The following CACNA1C variants were observed in gnomAD, a reference collection of about 807,000 sequenced individuals.
The protein encoded by CACNA1C is voltage-dependent L-type calcium channel subunit alpha-1C.
In CACNA1C, 30 loss-of-function variants were observed where a neutral mutation model predicts 229.0. The observed-to-expected ratio is 0.13, with a 90% CI of 0.10 to 0.18. CACNA1C has a LOEUF of 0.18. Ranked by LOEUF, CACNA1C falls within the 10% of genes least tolerant of loss-of-function variation. CACNA1C has a pLI of 1.00. For missense variants in CACNA1C, 1,658 were observed against 2,845.0 expected (o/e 0.58, Z 9.49); for synonymous variants, 1,114 against 1,132.5 (o/e 0.98, Z 0.33).
intron 3 of CACNA1C, among the ~76,000 whole-genome samples, chr12:2,419,101 C>T (rs547499721): frequency 4.7e-4 from 72 of 152,336 alleles, no homozygotes; most frequent in African/African-American, 1.6e-3. Context: ...CAACCCTAGG[C>T]CTCTCTGCCT....
At chr12:2,393,459 C>T (rs2098521829) in intron 3 of CACNA1C, among the ~76,000 whole-genome samples, 2 of 152,354 alleles carry the variant, frequency 1.3e-5, no homozygotes, top group African/African-American at 4.8e-5. Flanking sequence ...CATTTTCTGG[C>T]TCTGCCATCC....
intron 3 of CACNA1C, among the ~76,000 whole-genome samples, chr12:2,277,358 GACAGACACACACACACAC>G (rs71057823): frequency 0.032 from 2,622 of 82,208 alleles, 32 homozygotes; most frequent in Middle Eastern, 0.041. Context: ...CAGACAGACA[GACAGACACACACACACAC>G]ACACACACAC....
intron 3 of CACNA1C, among the ~76,000 whole-genome samples, chr12:2,137,397 CA>C (rs558354068): frequency 1.1e-4 from 16 of 146,348 alleles, no homozygotes; most frequent in East Asian, 2.0e-4. Flanking sequence ...CCAGCTCTAC[CA>C]AAAAAAAAAG....
chr12:2,160,172 T>C (rs2095780777), intron 3 of CACNA1C, among the ~76,000 whole-genome samples: 1 of 152,210 alleles, frequency 6.6e-6, no homozygotes, highest in African/African-American at 2.4e-5. Flanking sequence ...TTAATGCTTC[T>C]CTCATGCTCT....
intron 1 of CACNA1C, among the ~76,000 whole-genome samples, chr12:1,989,822 G>T (rs112327114): frequency 6.6e-6 from 1 of 152,158 alleles, no homozygotes; most frequent in Non-Finnish European, 1.5e-5. Flanking sequence ...ATTTAGTTGC[G>T]AAATGAAAAA....
intron 1 of CACNA1C, among the ~76,000 whole-genome samples, chr12:2,012,053 A>T (rs2044537273): frequency 6.6e-6 from 1 of 152,174 alleles, no homozygotes; most frequent in African/African-American, 2.4e-5. Context: ...TCACCTTGTC[A>T]TTGATTTTTC....
intron 1 of CACNA1C, among the ~76,000 whole-genome samples, chr12:2,042,370 A>T (rs1237949108): frequency 6.6e-6 from 1 of 152,224 alleles, no homozygotes; most frequent in Non-Finnish European, 1.5e-5. Context: ...CTTCTTTTGG[A>T]TTGAATTTTC....
At chr12:2,592,464 G>T (rs1436462354) in intron 18 of CACNA1C, among the ~76,000 whole-genome samples, 1 of 152,222 alleles carries the variant, frequency 6.6e-6, no homozygotes, top group African/African-American at 2.4e-5. Context: ...CTCCCATGTT[G>T]TTACTTTCCC....
chr12:2,174,424 T>A (rs2096585377), intron 3 of CACNA1C, among the ~76,000 whole-genome samples: 1 of 152,248 alleles, frequency 6.6e-6, no homozygotes, highest in Non-Finnish European at 1.5e-5. Flanking sequence ...AGGTAGTTTT[T>A]ATATTTTAAA....
chr12:2,025,999 G>A (rs1170350679), intron 1 of CACNA1C, among the ~76,000 whole-genome samples: 1 of 152,198 alleles, frequency 6.6e-6, no homozygotes, highest in African/African-American at 2.4e-5. Flanking sequence ...GTAGACATAT[G>A]TGCAAAAGCC....
chr12:2,288,144 GAAGCACAGCTGA>G (rs1405063147), intron 3 of CACNA1C: 1 of 152,396 alleles, frequency 6.6e-6, no homozygotes, highest in African/African-American at 2.4e-5. Flanking sequence ...GTCCTTTGGA[GAAGCACAGCTGA>G]AGCTTCCTGC....
intron 3 of CACNA1C, among the ~76,000 whole-genome samples, chr12:2,160,508 G>C (rs2095802688): frequency 6.6e-6 from 1 of 152,164 alleles, no homozygotes; most frequent in African/African-American, 2.4e-5. Flanking sequence ...TTTGCTACCT[G>C]AAATCTAATG....
intron 3 of CACNA1C, chr12:2,217,565 G>A (rs1324492004): frequency 6.6e-6 from 1 of 152,178 alleles, no homozygotes; most frequent in Non-Finnish European, 1.5e-5. Flanking sequence ...TTCTCTGCAT[G>A]TGCTTAATCA....
intron 3 of CACNA1C, among the ~76,000 whole-genome samples, chr12:2,158,701 A>G (rs2095672893): frequency 6.6e-6 from 1 of 152,224 alleles, no homozygotes; most frequent in Non-Finnish European, 1.5e-5. Context: ...TCACTCAAGC[A>G]AGAAGGTAAA....
intron 8 of CACNA1C, among the ~76,000 whole-genome samples, chr12:2,511,003 G>A (rs575267822): frequency 1.1e-4 from 16 of 152,248 alleles, no homozygotes; most frequent in African/African-American, 1.9e-4. Flanking sequence ...AGTTTCCCTC[G>A]CCATTGTGAG....
chr12:2,009,057 G>A (rs2043956216), intron 1 of CACNA1C, among the ~76,000 whole-genome samples: 1 of 152,142 alleles, frequency 6.6e-6, no homozygotes, highest in Middle Eastern at 3.2e-3. Context: ...TTCCATTTCT[G>A]TTGGCGCCCA....
At chr12:1,998,040 A>G in intron 1 of CACNA1C, 1 of 1,407,528 alleles carries the variant, frequency 7.1e-7, no homozygotes, top group East Asian at 2.4e-5. Context: ...GGTATAAAAC[A>G]AATTCTCATA....
chr12:2,347,768 A>G (rs1205088101), intron 3 of CACNA1C, among the ~76,000 whole-genome samples: 4 of 152,196 alleles, frequency 2.6e-5, no homozygotes, highest in Admixed American at 2.0e-4. Flanking sequence ...GAGCTTGGAC[A>G]CTAAACCAGA....
At chr12:1,993,100 C>A (rs1401840237) in intron 1 of CACNA1C, 1 of 889,222 alleles carries the variant, frequency 1.1e-6, no homozygotes, top group Non-Finnish European at 1.9e-6. Flanking sequence ...GAATCTATTC[C>A]ATCATTAGGG....
Sources: gnomAD v4.1 joint callset for allele counts (sites outside exome capture counted in the v4.1 genomes callset) on GRCh38, gnomAD v4.1.1 for gene constraint, MANE v1.5 for transcripts, NCBI Gene and HGNC (gene_info 2026-07-23, HGNC 2026-07-21) for gene names.